CCDC80: variants seen among roughly 807,000 people sequenced by gnomAD.
The protein encoded by CCDC80 is coiled-coil domain containing 80.
In CCDC80, 49 loss-of-function variants were observed where a neutral mutation model predicts 78.7. The observed-to-expected ratio is 0.62, with a 90% CI of 0.50 to 0.79. The LOEUF (loss-of-function observed/expected upper bound fraction) is 0.79, where lower values mean the gene tolerates loss of function less well. Among genes scored for constraint, CCDC80 ranks in the 30% least tolerant of loss-of-function variants. The probability of loss-of-function intolerance (pLI) is 0.00; values close to 1 mark genes in which losing one functional copy is unlikely to be tolerated. For synonymous variants in CCDC80, 488 were observed against 447.0 expected (o/e 1.09, Z -1.16); for missense variants, 1,205 against 1,198.6 (o/e 1.01, Z -0.08).
At position 112,597,719 on chromosome 3, in the gene CCDC80, G is replaced by T. The variant is rs532574604; in HGVS notation, c.*7698C>A. ...TATGAAGTACTTGCTAAATCATGTG[G>T]TGCGTGAAAGGAAGAGCAATGTTAT... On this transcript the variant is annotated 3_prime_UTR_variant, in exon 8 of 8. Transcript: ENST00000206423. 6.6e-6 allele frequency: 1 copy of T among 152,202 alleles called. No individual in the cohort carries two copies. Among genetic ancestry groups the T allele is most frequent in the South Asian group, 2.1e-4 (1 of 4,818 alleles). The allele number at this position is 152,202 out of a possible 1,614,324, so 9.4% of individuals were successfully genotyped here.
intron 5 of CCDC80, among the ~76,000 whole-genome samples, chr3:112,615,512 G>T (rs1935715235): frequency 6.6e-6 from 1 of 152,012 alleles, no homozygotes; most frequent in Admixed American, 6.6e-5. Flanking sequence ...TCGGGGGAGG[G>T]GAGGGGAAGG....
rs770077094 is a variant in CCDC80 at position 112,619,067 on chromosome 3, G to A, written c.2073C>T (p.Asp691=). 5 of 1,606,180 alleles carry A rather than the reference G, an allele frequency of 3.1e-6. No individual in the cohort carries two copies. In the African/African-American group the frequency reaches 6.7e-5, roughly 22 times the overall value. Residue 691 remains aspartate, a synonymous_variant, in exon 4 of 8, where the codon GAC becomes GAT. Transcript: ENST00000206423. ...CGCTGATGAGACGCTGGTCTACCAA[G>A]TCTTCATCATCCACCACTCGCATGG... The part of the protein sequence containing the change: ...EKPMRVVDDE[D]LVDQRLISEL...
In CCDC80 at chr3:112,610,093, AAGC is replaced by A. The variant is rs768156493; in HGVS notation, c.2322-15_2322-13del. The A allele has an allele frequency of 3.1e-6, 5 of 1,610,680 alleles. No homozygotes were observed. Among genetic ancestry groups the A allele is most frequent in the East Asian group, 2.2e-5 (1 of 44,876 alleles). On this transcript the variant is annotated splice_polypyrimidine_tract_variant and intron_variant, in intron 5 of 7. Transcript: ENST00000206423. ...TCCTCCACCGGAACCTGGAAAAAAA[AAGC>A]AGGACACCATTACTGCTTACTGCTT...
At chr3:112,612,408 T>C (rs1340971426) in intron 5 of CCDC80, among the ~76,000 whole-genome samples, 1 of 152,136 alleles carries the variant, frequency 6.6e-6, no homozygotes, top group Non-Finnish European at 1.5e-5. Context: ...GGATGGGATG[T>C]CAGACTCCCT....
In CCDC80 at chr3:112,630,185, T is replaced by G. The variant is rs949740667; in HGVS notation, c.1963A>C (p.Arg655=). Residue 655 remains arginine (R), a synonymous_variant, in exon 3 of 8, where the codon AGG becomes CGG. Coordinates refer to ENST00000206423, the MANE Select transcript of CCDC80 (RefSeq NM_199511.3). ...AAGATGGTGATCACAGAGATTTTCC[T>G]GGTAGCCATCTTGCAGAAACTTTCC... is the stretch of plus-strand genomic sequence containing the variant. ...YLESFCKMAT[R]KISVITIFGP... 1 of 1,613,884 alleles carries G rather than the reference T, an allele frequency of 6.2e-7. No homozygotes were observed. The highest frequency in any genetic ancestry group is 8.5e-7 in the Non-Finnish European group (1 of 1,179,886).
rs1935293883 is a variant in CCDC80 at position 112,597,007 on chromosome 3, C to G, written c.*8410G>C. 6.6e-6 allele frequency: 1 copy of G among 152,116 alleles called. No homozygotes were observed. Among genetic ancestry groups the G allele is most frequent in the Non-Finnish European group, 1.5e-5 (1 of 68,022 alleles). The allele number at this position is 152,116 out of a possible 1,614,324, so 9.4% of individuals were successfully genotyped here. On this transcript the variant is annotated 3_prime_UTR_variant, in exon 8 of 8. Coordinates refer to ENST00000206423, the MANE Select transcript of CCDC80 (RefSeq NM_199511.3). ...AGTTCAATGTCATTCCCAACAGGGT[C>G]TTTATGTCTGTCTGGTCATGTTATC...
Position 112,598,711 on chromosome 3 carries a change from C to T in CCDC80, c.*6706G>A, listed in dbSNP as rs772227494. ...TAGAGAGATTACGCATTTGTGGTCT[C>T]AAGTTAGGAAACTGTTGAAGAACAA... On this transcript the variant is annotated 3_prime_UTR_variant, in exon 8 of 8. Transcript: ENST00000206423. 1.3e-5 allele frequency: 2 copies of T among 152,146 alleles called. No individual in the cohort carries two copies. The highest frequency in any genetic ancestry group is 1.5e-5 in the Non-Finnish European group (1 of 68,052). The allele number at this position is 152,146 out of a possible 1,614,324, so 9.4% of individuals were successfully genotyped here. A position where few individuals can be genotyped will look rare whatever the true frequency, so the allele number is the denominator to read the frequency against.
At chr3:112,621,608 T>C (rs1251524420) in intron 3 of CCDC80, among the ~76,000 whole-genome samples, 2 of 152,186 alleles carry the variant, frequency 1.3e-5, no homozygotes, top group Non-Finnish European at 2.9e-5. Context: ...ATAGACATTA[T>C]CTGGCTCCAC....
chr3:112,629,061 A>T (rs1576791518), intron 3 of CCDC80, among the ~76,000 whole-genome samples: 1 of 152,230 alleles, frequency 6.6e-6, no homozygotes, highest in Non-Finnish European at 1.5e-5. Flanking sequence ...CATTATCGTG[A>T]CATAATATAA....
At position 112,606,506 on chromosome 3, in the gene CCDC80, A is replaced by G. The variant is rs977707713; in HGVS notation, c.2506+670T>C. 4.0e-5 allele frequency among the ~76,000 whole-genome samples: 6 copies of G among 151,038 alleles called. No individual in the cohort carries two copies. The South Asian group carries it at 1.1e-3, about 26-fold the overall frequency. ...AGTGGTGTGATCTCGGCTCACCGCA[A>G]TCTCCACCTCCGAGGTTCAAGCGAT... On this transcript the variant is annotated intron_variant, in intron 7 of 7. Transcript: ENST00000206423.
At chr3:112,622,369 T>C (rs1043992992) in intron 3 of CCDC80, among the ~76,000 whole-genome samples, 1 of 152,254 alleles carries the variant, frequency 6.6e-6, no homozygotes, top group Non-Finnish European at 1.5e-5. Flanking sequence ...AAAGTCCTAA[T>C]CAACACTGCA....
At position 112,596,825 on chromosome 3, in the gene CCDC80, G is replaced by A. The variant is rs1935291432; in HGVS notation, c.*8592C>T. ...AATAAACCTTTTATTTACAGGCAAA[G>A]GATATAGTACAAGAAGAAAAAGAGA... On this transcript the variant is annotated 3_prime_UTR_variant, in exon 8 of 8. Transcript: ENST00000206423. The A allele has an allele frequency of 6.6e-6, 1 of 152,002 alleles. No homozygotes were observed. 9.4% of individuals were successfully genotyped at this position (152,002 alleles called of 1,614,324 possible). A position where few individuals can be genotyped will look rare whatever the true frequency, so the allele number is the denominator to read the frequency against.
intron 5 of CCDC80, among the ~76,000 whole-genome samples, chr3:112,612,555 C>T (rs1935653633): frequency 6.6e-6 from 1 of 152,222 alleles, no homozygotes; most frequent in Non-Finnish European, 1.5e-5. Flanking sequence ...AGTTATGAAA[C>T]TGACCCAGAC....
intron 3 of CCDC80, among the ~76,000 whole-genome samples, chr3:112,629,741 C>A (rs963961080): frequency 2.6e-5 from 4 of 152,188 alleles, no homozygotes; most frequent in African/African-American, 7.2e-5. Context: ...GAGTCACCTG[C>A]AGCGGAGAGT....
In CCDC80 at chr3:112,638,601, C is replaced by T. The variant is rs1936263881; in HGVS notation, c.1305G>A (p.Lys435=). The stretch of plus-strand genomic sequence containing the variant: ...TTGTGAAGCTCTCCAAGCTGGTGGC[C>T]TTGCTGGGCCTCCTGGTTGTCTGTG... ...ERPQTTRRPS[K]ATSLESFTNA... The change falls in exon 2 of 8, where the codon AAG becomes AAA. Residue 435 remains lysine (K), a synonymous_variant. Transcript: ENST00000206423. 1 of 1,613,858 alleles carries T rather than the reference C, an allele frequency of 6.2e-7. No individual in the cohort carries two copies.
chr3:112,624,545 C>T (rs551003346), intron 3 of CCDC80, among the ~76,000 whole-genome samples: 2 of 152,128 alleles, frequency 1.3e-5, no homozygotes, highest in Non-Finnish European at 2.9e-5. Flanking sequence ...TGCTTACTCC[C>T]CTTTTACTCT....
chr3:112,607,055 GGGA>G, intron 7 of CCDC80, 118 bp downstream of exon 7: 2 of 668,104 alleles, frequency 3.0e-6, no homozygotes, highest in Non-Finnish European at 5.1e-6. Flanking sequence ...TGCATGAAGT[GGGA>G]GGAGGATTCA....
chr3:112,636,070 A>G (rs1485118825), intron 2 of CCDC80, among the ~76,000 whole-genome samples: 1 of 152,206 alleles, frequency 6.6e-6, no homozygotes, highest in African/African-American at 2.4e-5. Context: ...AAACCTGACC[A>G]TGAGGAACAT....
At chr3:112,619,577 T>G (rs3846050) in intron 3 of CCDC80, among the ~76,000 whole-genome samples, 121,082 of 152,136 alleles carry the variant, frequency 0.8, 51,023 homozygotes, top group Non-Finnish European at 0.94. Context: ...AGTAAGCATG[T>G]CATATCTATA....
Sources: gnomAD v4.1 joint callset for allele counts (sites outside exome capture counted in the v4.1 genomes callset) on GRCh38, gnomAD v4.1.1 for gene constraint, MANE v1.5 for transcripts, NCBI Gene and HGNC (gene_info 2026-07-23, HGNC 2026-07-21) for gene names.